RAB30: variants seen among roughly 807,000 people sequenced by gnomAD.
RAB30 encodes the protein ras-related protein Rab-30.
A neutral mutation model predicts 25.1 loss-of-function variants in RAB30; 9 were observed. The observed-to-expected ratio is 0.36, with a 90% CI of 0.22 to 0.63. The LOEUF is 0.63. Among genes scored for constraint, RAB30 ranks in the 20% least tolerant of loss-of-function variants. The pLI, the probability that RAB30 is intolerant of heterozygous loss-of-function variation, is 0.69. For synonymous variants in RAB30, 77 were observed against 86.4 expected (o/e 0.89, Z 0.60); for missense variants, 140 against 243.5 (o/e 0.58, Z 2.83).
chr11:83,068,298 CA>C (rs58584244), intron 1 of RAB30, among the ~76,000 whole-genome samples: 63 of 131,140 alleles, frequency 4.8e-4, no homozygotes, highest in Middle Eastern at 3.8e-3. Flanking sequence ...AACTCTGTCT[CA>C]AAAAAAAAAA....
In RAB30 at chr11:83,071,808, C is replaced by T. The variant is rs1858854832; in HGVS notation, c.-126G>A. 3.0e-6 allele frequency: 1 copy of T among 334,156 alleles called. No homozygotes were observed. Among genetic ancestry groups the T allele is most frequent in the Non-Finnish European group, 5.4e-6 (1 of 186,196 alleles). The allele number at this position is 334,156 out of a possible 1,614,324, so 20.7% of individuals were successfully genotyped here. ...GTCCAAGGGCTGGAGTCAGTCCCTG[C>T]CCTGGTGCTGCTGCTACACTTAGCT... On this transcript the variant is annotated 5_prime_UTR_variant, in exon 1 of 5. Transcript: ENST00000527633.
At chr11:82,982,769 G>C (rs1856666203) in intron 4 of RAB30, among the ~76,000 whole-genome samples, 1 of 152,172 alleles carries the variant, frequency 6.6e-6, no homozygotes, top group African/African-American at 2.4e-5. Context: ...GGCTGAGGCA[G>C]AAGAATCGCT....
intron 1 of RAB30, among the ~76,000 whole-genome samples, chr11:83,009,726 G>A (rs2121489873): frequency 6.6e-6 from 1 of 152,264 alleles, no homozygotes; most frequent in South Asian, 2.1e-4. Context: ...CTGAAGGCAG[G>A]AATGGCATCC....
chr11:83,062,502 G>A (rs1274897334), intron 1 of RAB30, among the ~76,000 whole-genome samples: 2 of 152,138 alleles, frequency 1.3e-5, no homozygotes, highest in Admixed American at 6.5e-5. Context: ...GACAACATGA[G>A]ACAGAATTCC....
chr11:82,978,313 G>C lies in RAB30; in HGVS notation c.*3852C>G, dbSNP rs896363532. 2 of 152,070 alleles carry C rather than the reference G, an allele frequency of 1.3e-5. No homozygotes were observed. Among genetic ancestry groups the C allele is most frequent in the Non-Finnish European group, 2.9e-5 (2 of 67,994 alleles). The allele number at this position is 152,070 out of a possible 1,614,324, so 9.4% of individuals were successfully genotyped here. ...TAAGTACTCATTACTATGAAATACA[G>C]AGTTCTACAAGATTAAGAAATAAAA... is the stretch of plus-strand genomic sequence containing the variant. On this transcript the variant is annotated 3_prime_UTR_variant, in exon 5 of 5. Transcript: ENST00000527633.
chr11:82,980,999 G>A lies in RAB30; in HGVS notation c.*1166C>T, dbSNP rs1856628103. 6.6e-6 allele frequency: 1 copy of A among 152,170 alleles called. No homozygotes were observed. The allele number at this position is 152,170 out of a possible 1,614,324, so 9.4% of individuals were successfully genotyped here. A position where few individuals can be genotyped will look rare whatever the true frequency, so the allele number is the denominator to read the frequency against. On this transcript the variant is annotated 3_prime_UTR_variant, in exon 5 of 5. Coordinates refer to ENST00000527633, the MANE Select transcript of RAB30 (RefSeq NM_001286060.2). ...GCTTCCACGAGCAGAATTTTTCTAAGGTTATCATCGAAGATATAAAAATGG... is the reference window on the plus strand; with the variant it reads ...GCTTCCACGAGCAGAATTTTTCTAAAGTTATCATCGAAGATATAAAAATGG...
chr11:83,037,868 GGAAACAGGGGT>G (rs1858019749), intron 1 of RAB30, among the ~76,000 whole-genome samples: 1 of 152,176 alleles, frequency 6.6e-6, no homozygotes, highest in Admixed American at 6.5e-5. Flanking sequence ...GGATGCCTTA[GGAAACAGGGGT>G]TCCACTTACT....
rs1857898732 is a variant in RAB30, at chr11:83,032,807, T to G, written c.-8-35483A>C. 5.9e-5 allele frequency among the ~76,000 whole-genome samples: 9 copies of G among 152,220 alleles called. No homozygotes were observed. The South Asian group carries it at 1.9e-3, about 32-fold the overall frequency. On this transcript the variant is annotated intron_variant, in intron 1 of 4. Transcript: ENST00000527633. ...AAAAAGAGTGTACTCTAAAGGTAAATAGGAACCTTAATCATGCTCTCTTGG... is the reference window on the plus strand; with the variant it reads ...AAAAAGAGTGTACTCTAAAGGTAAAGAGGAACCTTAATCATGCTCTCTTGG...
At chr11:82,996,819 T>C (rs907362595) in intron 2 of RAB30, among the ~76,000 whole-genome samples, 1 of 152,206 alleles carries the variant, frequency 6.6e-6, no homozygotes, top group Non-Finnish European at 1.5e-5. Flanking sequence ...CAGAGTTTGA[T>C]TGGTTTAATT....
intron 1 of RAB30, among the ~76,000 whole-genome samples, chr11:83,064,804 A>G (rs960333793): frequency 4.6e-5 from 7 of 152,232 alleles, no homozygotes; most frequent in African/African-American, 1.7e-4. Context: ...ATCACATCCA[A>G]GAAAACTAAC....
chr11:83,055,892 C>T (rs191640181), intron 1 of RAB30, among the ~76,000 whole-genome samples: 7 of 139,386 alleles, frequency 5.0e-5, no homozygotes, highest in African/African-American at 1.3e-4. Context: ...AGCCTGCTGG[C>T]GCCTGGATCT....
intron 1 of RAB30, among the ~76,000 whole-genome samples, chr11:83,000,772 G>A (rs955189712): frequency 1.2e-4 from 18 of 152,012 alleles, no homozygotes; most frequent in Non-Finnish European, 1.6e-4. Flanking sequence ...AGGCTTTGTC[G>A]GCCGGGCGCG....
At chr11:82,995,195 G>A (rs1590840584) in intron 2 of RAB30, among the ~76,000 whole-genome samples, 1 of 152,102 alleles carries the variant, frequency 6.6e-6, no homozygotes, top group East Asian at 1.9e-4. Context: ...ATTAGTTCTG[G>A]CAACTATGAC....
intron 1 of RAB30, among the ~76,000 whole-genome samples, chr11:83,000,751 A>C (rs1857060164): frequency 6.6e-6 from 1 of 152,230 alleles, no homozygotes; most frequent in African/African-American, 2.4e-5. Flanking sequence ...TAGAAAAAGA[A>C]GGTGAAAAAA....
intron 1 of RAB30, among the ~76,000 whole-genome samples, chr11:83,027,600 T>C (rs993961455): frequency 6.6e-6 from 1 of 152,144 alleles, no homozygotes; most frequent in African/African-American, 2.4e-5. Context: ...CAGTACTTTT[T>C]AAAAAAAGCT....
At chr11:83,041,740 TA>T (rs1858121599) in intron 1 of RAB30, 1 of 152,600 alleles carries the variant, frequency 6.6e-6, no homozygotes, top group African/African-American at 2.4e-5. Flanking sequence ...AAACTTTTTT[TA>T]AAAAGTTTTT....
At chr11:83,029,354 T>C (rs924477261) in intron 1 of RAB30, among the ~76,000 whole-genome samples, 32 of 152,132 alleles carry the variant, frequency 2.1e-4, no homozygotes, top group African/African-American at 7.2e-4. Context: ...GTTAACTTAA[T>C]CTATCCCTTT....
rs1858852350 is a variant in RAB30, at chr11:83,071,719, G to A, written c.-37C>T. On this transcript the variant is annotated 5_prime_UTR_variant, in exon 1 of 5. Coordinates refer to ENST00000527633, the MANE Select transcript of RAB30 (RefSeq NM_001286060.2). ...GTTTGGGATTTTTCTCCCCACCCCA[G>A]GCATAAACAGAAATGGATGTGCGAA... 1.0e-5 allele frequency: 2 copies of A among 195,612 alleles called. No individual in the cohort carries two copies. Among genetic ancestry groups the A allele is most frequent in the Non-Finnish European group, 2.1e-5 (2 of 97,252 alleles). The allele number at this position is 195,612 out of a possible 1,614,324, so 12.1% of individuals were successfully genotyped here. A position where few individuals can be genotyped will look rare whatever the true frequency, so the allele number is the denominator to read the frequency against.
chr11:83,067,461 C>T (rs1478718379), intron 1 of RAB30, among the ~76,000 whole-genome samples: 1 of 152,168 alleles, frequency 6.6e-6, no homozygotes, highest in East Asian at 1.9e-4. Context: ...CATGCCACAT[C>T]CTACACATGG....
Sources: gnomAD v4.1 joint callset for allele counts (sites outside exome capture counted in the v4.1 genomes callset) on GRCh38, gnomAD v4.1.1 for gene constraint, MANE v1.5 for transcripts, NCBI Gene and HGNC (gene_info 2026-07-23, HGNC 2026-07-21) for gene names.